Variants in ANKIB1 observed in about 807,000 individuals in gnomAD.
ANKIB1 encodes ankyrin repeat and IBR domain-containing protein 1.
Under a neutral mutation model 122.1 loss-of-function variants are expected in ANKIB1, and 43 were observed. The ratio of observed to expected loss-of-function variants is 0.35; its 90% CI spans 0.28 to 0.45. The LOEUF is 0.45. Ranked by LOEUF, ANKIB1 falls within the 20% of genes least tolerant of loss-of-function variation. The pLI, the probability that ANKIB1 is intolerant of heterozygous loss-of-function variation, is 1.00. For missense variants in ANKIB1, 992 were observed against 1,329.5 expected (o/e 0.75, Z 3.95); for synonymous variants, 390 against 442.0 (o/e 0.88, Z 1.48).
chr7:92,395,699 G>A lies in ANKIB1; in HGVS notation c.2284-666G>A, dbSNP rs559228068. ...GATTACAGGTGCCACCACCACGCCC[G>A]GCTAATTTTTTGTATTTTTAGTAGA... On this transcript the variant is annotated intron_variant, in intron 17 of 19. Transcript: ENST00000265742. Among the ~76,000 whole-genome samples the A allele has an allele frequency of 9.2e-5, 14 of 151,754 alleles. No homozygotes were observed. The South Asian group carries it at 1.7e-3, about 18-fold the overall frequency.
At chr7:92,351,439 A>C (rs1306240936) in intron 8 of ANKIB1, among the ~76,000 whole-genome samples, 1 of 152,198 alleles carries the variant, frequency 6.6e-6, no homozygotes, top group East Asian at 1.9e-4. Context: ...TAAGTTTTCC[A>C]AAAGACATTA....
At chr7:92,395,577 G>C (rs1978348) in intron 17 of ANKIB1, among the ~76,000 whole-genome samples, 14,047 of 124,640 alleles carry the variant, frequency 0.11, 863 homozygotes, top group East Asian at 0.37. Context: ...GAGTCTTGCT[G>C]TTGTTGCCCA....
intron 1 of ANKIB1, among the ~76,000 whole-genome samples, chr7:92,272,867 G>T (rs993804660): frequency 1.3e-5 from 2 of 152,162 alleles, no homozygotes; most frequent in Non-Finnish European, 2.9e-5. Context: ...CAGGTTATAT[G>T]TAAAAGCCTA....
intron 9 of ANKIB1, among the ~76,000 whole-genome samples, chr7:92,355,516 T>C (rs988876748): frequency 6.6e-6 from 1 of 152,130 alleles, no homozygotes; most frequent in African/African-American, 2.4e-5. Flanking sequence ...CAGTCAAACA[T>C]ATTTTATTCG....
rs754689833 is a variant in ANKIB1 at position 92,398,340 on chromosome 7, G to T, written c.2661G>T (p.Ala887=). The change falls in exon 20 of 20, where the codon GCG becomes GCT. Residue 887 remains alanine (A), a synonymous_variant. Coordinates refer to ENST00000265742, the MANE Select transcript of ANKIB1 (RefSeq NM_019004.2). ...DFLSNEASLG[A]IGTSLPSRLD... is the part of the protein sequence containing the mutation. ...TCAGTAATGAAGCATCCTTAGGTGC[G>T]ATAGGCACTTCTTTACCTTCCAGGC... 6.2e-7 allele frequency: 1 copy of T among 1,613,376 alleles called. No homozygotes were observed. The highest frequency in any genetic ancestry group is 8.5e-7 in the Non-Finnish European group (1 of 1,179,698).
chr7:92,250,915 G>A (rs1801316928), intron 1 of ANKIB1, among the ~76,000 whole-genome samples: 1 of 152,104 alleles, frequency 6.6e-6, no homozygotes, highest in Admixed American at 6.5e-5. Context: ...ACTGTTAGCA[G>A]TTTGCTATTC....
intron 10 of ANKIB1, among the ~76,000 whole-genome samples, chr7:92,363,605 A>G (rs1424871809): frequency 6.6e-6 from 1 of 152,238 alleles, no homozygotes; most frequent in Non-Finnish European, 1.5e-5. Flanking sequence ...GTGTCAAAGA[A>G]TCTTCTTGAA....
intron 11 of ANKIB1, among the ~76,000 whole-genome samples, chr7:92,383,113 C>G (rs1384930627): frequency 1.3e-5 from 2 of 152,154 alleles, no homozygotes; most frequent in East Asian, 3.8e-4. Context: ...ACATAAACAC[C>G]TCTACTCAAA....
chr7:92,245,988 G>A lies in ANKIB1; in HGVS notation c.-622G>A, dbSNP rs2131848406. On this transcript the variant is annotated 5_prime_UTR_variant, in exon 1 of 20. Coordinates refer to ENST00000265742, the MANE Select transcript of ANKIB1 (RefSeq NM_019004.2). ...AAAGAGCTTCCGGGTCGGCGGCCGG[G>A]CTGCTGCCGTTCCTGCTCCTTTTCA... 2 of 234,296 alleles carry A rather than the reference G, an allele frequency of 8.5e-6. No homozygotes were observed. Among genetic ancestry groups the A allele is most frequent in the East Asian group, 1.8e-4 (1 of 5,440 alleles). The allele number at this position is 234,296 out of a possible 1,614,324, so 14.5% of individuals were successfully genotyped here. A position where few individuals can be genotyped will look rare whatever the true frequency, so the allele number is the denominator to read the frequency against.
rs149805849 is a variant in ANKIB1 at position 92,314,740 on chromosome 7, T to G, written c.487-4590T>G. On this transcript the variant is annotated intron_variant, in intron 3 of 19. Coordinates refer to ENST00000265742, the MANE Select transcript of ANKIB1 (RefSeq NM_019004.2). ...TTTGAAAACCTTTGTGCTAGAACAG[T>G]AGTTCTAAGCATGGCTGCACAGAAA... Among the ~76,000 whole-genome samples, 3 of 152,346 alleles carry G rather than the reference T, an allele frequency of 2.0e-5. No homozygotes were observed. The East Asian group carries it at 5.8e-4, about 29-fold the overall frequency.
chr7:92,314,895 G>C (rs76209380), intron 3 of ANKIB1, among the ~76,000 whole-genome samples: 1 of 152,118 alleles, frequency 6.6e-6, no homozygotes, highest in African/African-American at 2.4e-5. Flanking sequence ...CTGACAAAGC[G>C]TCTGGGTTTG....
chr7:92,278,288 A>G (rs2131899251), intron 1 of ANKIB1, among the ~76,000 whole-genome samples: 1 of 152,210 alleles, frequency 6.6e-6, no homozygotes, highest in African/African-American at 2.4e-5. Flanking sequence ...TTTTTTAAAA[A>G]AGGAAAAAGA....
chr7:92,328,116 G>T (rs1019886962), intron 5 of ANKIB1, among the ~76,000 whole-genome samples: 1 of 152,124 alleles, frequency 6.6e-6, no homozygotes, highest in African/African-American at 2.4e-5. Flanking sequence ...GGAGACACTG[G>T]AAAATTCTTT....
At chr7:92,365,979 T>G (rs1475424640) in intron 10 of ANKIB1, among the ~76,000 whole-genome samples, 1 of 151,530 alleles carries the variant, frequency 6.6e-6, no homozygotes, top group Non-Finnish European at 1.5e-5. Context: ...GTATTTTTAG[T>G]AGAGACGGGG....
At chr7:92,335,505 G>A (rs1222963983) in intron 5 of ANKIB1, among the ~76,000 whole-genome samples, 2 of 151,886 alleles carry the variant, frequency 1.3e-5, no homozygotes, top group Non-Finnish European at 2.9e-5. Flanking sequence ...ATGTGGATTT[G>A]TATATAGCTC....
At chr7:92,354,219 A>G (rs1228969814) in intron 9 of ANKIB1, among the ~76,000 whole-genome samples, 4 of 152,234 alleles carry the variant, frequency 2.6e-5, no homozygotes, top group African/African-American at 7.2e-5. Flanking sequence ...CTATAAACAT[A>G]GATGATGCTA....
At chr7:92,343,344 C>A in intron 6 of ANKIB1, 112 bp downstream of exon 6, 1 of 903,374 alleles carries the variant, frequency 1.1e-6, no homozygotes, top group Non-Finnish European at 1.7e-6. Flanking sequence ...TAATTGAATC[C>A]TATCCCTTTC....
At chr7:92,333,332 C>G (rs1437534686) in intron 5 of ANKIB1, among the ~76,000 whole-genome samples, 1 of 152,204 alleles carries the variant, frequency 6.6e-6, no homozygotes, top group Non-Finnish European at 1.5e-5. Flanking sequence ...TGCTTCCCCT[C>G]TAGTCCCATG....
chr7:92,266,424 T>C (rs907877487), intron 1 of ANKIB1, among the ~76,000 whole-genome samples: 1 of 152,156 alleles, frequency 6.6e-6, no homozygotes, highest in Non-Finnish European at 1.5e-5. Flanking sequence ...CCATTACCAC[T>C]AGGCCTGAGG....
Sources: allele counts gnomAD v4.1 joint callset (sites outside exome capture counted in the v4.1 genomes callset), GRCh38; gene constraint gnomAD v4.1.1; transcripts MANE v1.5; gene names NCBI Gene and HGNC (gene_info 2026-07-23, HGNC 2026-07-21).